The following EYS variants were observed in gnomAD, a reference collection of about 807,000 sequenced individuals.
EYS encodes EGF-like photoreceptor maintenance factor.
EYS carries 250 observed loss-of-function variants against 282.1 expected under a neutral mutation model. The ratio of observed to expected loss-of-function variants is 0.89; its 90% CI spans 0.80 to 0.98. The LOEUF (loss-of-function observed/expected upper bound fraction) is 0.98. Ranked by LOEUF, EYS falls within the 50% of genes least tolerant of loss-of-function variation. The pLI, the probability that EYS is intolerant of heterozygous loss-of-function variation, is 0.00. For missense variants in EYS, 4,016 were observed against 3,709.0 expected (o/e 1.08, Z -2.15); for synonymous variants, 1,355 against 1,282.9 (o/e 1.06, Z -1.20).
chr6:65,364,247 G>GTT (rs33923001), intron 8 of EYS, among the ~76,000 whole-genome samples: 30,042 of 146,224 alleles, frequency 0.21, 3,402 homozygotes, highest in South Asian at 0.37. Flanking sequence ...TCAACTAAAT[G>GTT]TTTTTTTTTT....
At chr6:65,687,797 C>T (rs181457211) in intron 1 of EYS, among the ~76,000 whole-genome samples, 11 of 152,186 alleles carry the variant, frequency 7.2e-5, no homozygotes, top group South Asian at 4.1e-4. Context: ...AACAGACAAA[C>T]GCAGAGCCAA....
In EYS at chr6:65,443,274, A is replaced by ACATGTATGCATG. The variant is rs1302171818; in HGVS notation, c.863-37919_863-37908dup. On this transcript the variant is annotated intron_variant, in intron 5 of 42. Transcript: ENST00000503581. ...TGTATACATATATGCAAACATATAGACATGTATGCATGCATATATGCATAC... is the reference window on the plus strand; with the variant it reads ...TGTATACATATATGCAAACATATAGACATGTATGCATGCATGTATGCATGCATATATGCATAC... Among the ~76,000 whole-genome samples, 4 of 108,258 alleles carry ACATGTATGCATG rather than the reference A, an allele frequency of 3.7e-5. 1 individual carries two copies. The highest frequency in any genetic ancestry group is 5.3e-5 in the African/African-American group (2 of 37,710). The allele number at this position is 108,258 out of a possible 152,430, so 71.0% of individuals were successfully genotyped here.
intron 14 of EYS, among the ~76,000 whole-genome samples, chr6:64,959,743 A>G (rs1436625854): frequency 2.0e-5 from 3 of 152,192 alleles, no homozygotes; most frequent in Non-Finnish European, 4.4e-5. Flanking sequence ...ATTAACAAGA[A>G]CTGTCTCTCT....
chr6:64,780,798 TA>T (rs969687990), intron 22 of EYS, among the ~76,000 whole-genome samples: 149 of 152,290 alleles, frequency 9.8e-4, no homozygotes, highest in African/African-American at 3.2e-3. Context: ...AAATATTCTT[TA>T]AAAAAATTAT....
At chr6:63,839,911 G>A (rs182841396) in intron 36 of EYS, among the ~76,000 whole-genome samples, 14 of 152,088 alleles carry the variant, frequency 9.2e-5, no homozygotes, top group Admixed American at 8.5e-4. Context: ...TTTTAACTGG[G>A]GTAAGATGAT....
At chr6:64,775,942 A>G (rs1475797279) in intron 22 of EYS, among the ~76,000 whole-genome samples, 1 of 152,030 alleles carries the variant, frequency 6.6e-6, no homozygotes, top group Non-Finnish European at 1.5e-5. Flanking sequence ...CTTCAAAAGA[A>G]CACATCTATA....
chr6:63,956,121 A>T (rs1450582614), intron 35 of EYS, among the ~76,000 whole-genome samples: 1 of 152,020 alleles, frequency 6.6e-6, no homozygotes, highest in East Asian at 1.9e-4. Context: ...ACACTTCAAC[A>T]CTATTTTATT....
chr6:65,284,004 A>C (rs773478534), intron 12 of EYS, among the ~76,000 whole-genome samples: 116 of 152,108 alleles, frequency 7.6e-4, no homozygotes, highest in Non-Finnish European at 2.1e-4. Context: ...GATTGACTGA[A>C]TGTTATATAC....
At position 64,902,221 on chromosome 6, in the gene EYS, C is replaced by CT; in HGVS notation, c.2739-2dup. On this transcript the variant is annotated splice_acceptor_variant, in intron 17 of 42. Transcript: ENST00000503581. LOFTEE classifies it high-confidence loss of function. ...AGAAAACCCAGGTCTGCAAATACAC[C>CT]TTTTAAACAAAAAATTTAGTAACTC... 1 of 1,544,712 alleles carries CT rather than the reference C, an allele frequency of 6.5e-7. No homozygotes were observed. Among genetic ancestry groups the CT allele is most frequent in the Non-Finnish European group, 8.8e-7 (1 of 1,142,544 alleles).
At chr6:63,745,117 G>A (rs535530471) in intron 41 of EYS, 62 of 338,220 alleles carry the variant, frequency 1.8e-4, no homozygotes, top group African/African-American at 1.1e-3. Context: ...CTTTTTCCTC[G>A]AGCATATTTG....
intron 12 of EYS, among the ~76,000 whole-genome samples, chr6:65,060,856 T>C (rs2882373): frequency 0.24 from 36,166 of 150,480 alleles, 4,948 homozygotes; most frequent in South Asian, 0.31. Context: ...ATGAAAATAT[T>C]TTCTAGTATC....
At chr6:64,094,233 T>G (rs1772491577) in intron 31 of EYS, among the ~76,000 whole-genome samples, 1 of 152,150 alleles carries the variant, frequency 6.6e-6, no homozygotes, top group Non-Finnish European at 1.5e-5. Context: ...GGTTGTGTCT[T>G]TGCCTGGCTT....
At chr6:63,762,370 C>CT (rs1239649467) in intron 41 of EYS, 91 bp downstream of exon 41, 4 of 1,228,878 alleles carry the variant, frequency 3.3e-6, no homozygotes, top group Non-Finnish European at 3.4e-6. Context: ...ATTATATGTA[C>CT]TTTTTTACTT....
chr6:65,442,903 T>C (rs1433177733), intron 5 of EYS, among the ~76,000 whole-genome samples: 1 of 133,956 alleles, frequency 7.5e-6, no homozygotes, highest in Non-Finnish European at 1.7e-5. Flanking sequence ...TATATGTATA[T>C]ATACATGCAC....
At chr6:64,064,176 AGT>A (rs1771282460) in intron 33 of EYS, among the ~76,000 whole-genome samples, 1 of 152,122 alleles carries the variant, frequency 6.6e-6, no homozygotes, top group Admixed American at 6.5e-5. Flanking sequence ...TTCCTTTATT[AGT>A]GTGTCTACTT....
chr6:64,201,269 A>G (rs1765454039), intron 31 of EYS, among the ~76,000 whole-genome samples: 1 of 152,082 alleles, frequency 6.6e-6, no homozygotes, highest in Admixed American at 6.6e-5. Flanking sequence ...AATTAGAAAC[A>G]CTTCCTATTG....
At chr6:64,770,396 C>G (rs956543723) in intron 22 of EYS, among the ~76,000 whole-genome samples, 9 of 151,904 alleles carry the variant, frequency 5.9e-5, no homozygotes, top group East Asian at 3.9e-4. Flanking sequence ...TTATTTCAAA[C>G]AGTCGTATTC....
At chr6:63,999,017 C>T in intron 34 of EYS, 58 bp downstream of exon 34, 1 of 1,052,448 alleles carries the variant, frequency 9.5e-7, no homozygotes. Flanking sequence ...ATAAAAAATA[C>T]TTATCTGAAA....
rs2150076935 is a variant in EYS, at chr6:64,912,726, C to A, written c.2399G>T (p.Gly800Val). The A allele has an allele frequency of 1.4e-6, 2 of 1,405,554 alleles. No individual in the cohort carries two copies. The highest frequency in any genetic ancestry group is 5.2e-5 in the East Asian group (2 of 38,276). 87.1% of individuals were successfully genotyped at this position (1,405,554 alleles called of 1,614,324 possible). Residue 800 changes from glycine to valine, a missense_variant, in exon 16 of 43, where the codon GGA (glycine) becomes GTA (valine). Physicochemically the swap from Gly to Val is moderately radical, Grantham distance 109. Coordinates refer to ENST00000503581, the MANE Select transcript of EYS (RefSeq NM_001142800.2). Reference protein sequence around the residue: ...YKSYRCECTSGWTGQNCSEEI... With the variant: ...YKSYRCECTSVWTGQNCSEEI... The stretch of plus-strand genomic sequence containing the variant: ...TTCACTACAGTTCTGTCCAGTCCAT[C>A]CAGATGTACACTCACATCTGAAATA...
Sources: allele counts gnomAD v4.1 joint callset (sites outside exome capture counted in the v4.1 genomes callset), GRCh38; gene constraint gnomAD v4.1.1; transcripts MANE v1.5; gene names NCBI Gene and HGNC (gene_info 2026-07-23, HGNC 2026-07-21).